Variants in ERG observed in about 807,000 individuals in gnomAD.
ERG encodes the protein transcriptional regulator ERG.
A neutral mutation model predicts 55.3 loss-of-function variants in ERG; 9 were observed. The ratio of observed to expected loss-of-function variants is 0.16; its 90% CI spans 0.10 to 0.28. The LOEUF (loss-of-function observed/expected upper bound fraction) is 0.28. Ranked by LOEUF, ERG falls within the 10% of genes least tolerant of loss-of-function variation. The pLI is 1.00. For synonymous variants in ERG, 223 were observed against 237.3 expected, an observed-to-expected ratio of 0.94 and a Z score of 0.55; for missense variants, 434 against 631.6, an observed-to-expected ratio of 0.69 and a Z score of 3.35.
intron 1 of ERG, chr21:38,575,841 A>C: frequency 1.1e-6 from 1 of 912,558 alleles, no homozygotes. Flanking sequence ...ACCAATGGCA[A>C]AAGAATCATA....
chr21:38,542,234 C>T (rs577995043), intron 2 of ERG, among the ~76,000 whole-genome samples: 1 of 152,104 alleles, frequency 6.6e-6, no homozygotes, highest in Non-Finnish European at 1.5e-5. Context: ...GTGATCCACC[C>T]GCCTCAGCCT....
chr21:38,640,124 AT>A (rs2060414664), intron 1 of ERG, among the ~76,000 whole-genome samples: 2 of 152,366 alleles, frequency 1.3e-5, no homozygotes, highest in Admixed American at 1.3e-4. Flanking sequence ...CAATAAAAAA[AT>A]CATTGAAAAT....
chr21:38,552,375 C>T (rs772890710), intron 2 of ERG, among the ~76,000 whole-genome samples: 6 of 151,976 alleles, frequency 3.9e-5, no homozygotes, highest in Non-Finnish European at 8.8e-5. Context: ...GGCAGAGACA[C>T]AATAAGAAAA....
rs888010622 is a variant in ERG at position 38,483,035 on chromosome 21, C to T, written c.18+15328G>A. 3.3e-5 allele frequency among the ~76,000 whole-genome samples: 5 copies of T among 152,248 alleles called. No individual in the cohort carries two copies. In the East Asian group the frequency reaches 7.7e-4, roughly 23 times the overall value. ...CCACATTATGGATGAATCTGGAGGACGTTATGCTAAGTGAAATAAGCCACA... is the reference window on the plus strand; with the variant it reads ...CCACATTATGGATGAATCTGGAGGATGTTATGCTAAGTGAAATAAGCCACA... On this transcript the variant is annotated intron_variant, in intron 1 of 9. Coordinates refer to ENST00000288319, the MANE Select transcript of ERG (RefSeq NM_182918.4).
intron 1 of ERG, among the ~76,000 whole-genome samples, chr21:38,487,868 T>G (rs1272675215): frequency 6.6e-6 from 1 of 152,220 alleles, no homozygotes; most frequent in African/African-American, 2.4e-5. Context: ...GGAAAATATC[T>G]CTTTGGGCAA....
intron 5 of ERG, among the ~76,000 whole-genome samples, chr21:38,401,107 T>C (rs1304892756): frequency 1.3e-5 from 2 of 152,236 alleles, no homozygotes; most frequent in Non-Finnish European, 2.9e-5. Flanking sequence ...CACATCTCTA[T>C]TCAAATGCAT....
At chr21:38,431,690 T>G (rs892789944) in intron 2 of ERG, among the ~76,000 whole-genome samples, 2 of 152,224 alleles carry the variant, frequency 1.3e-5, no homozygotes, top group Non-Finnish European at 2.9e-5. Context: ...ATTAATAAGC[T>G]ACATACAAAC....
At chr21:38,400,757 C>A in intron 5 of ERG, 112 bp from the exon 6 acceptor site, 1 of 740,978 alleles carries the variant, frequency 1.3e-6, no homozygotes, top group Non-Finnish European at 2.3e-6. Flanking sequence ...GAGACCTCCT[C>A]AAACCTGCCT....
intron 2 of ERG, among the ~76,000 whole-genome samples, chr21:38,546,631 T>C (rs548151748): frequency 6.6e-6 from 1 of 152,232 alleles, no homozygotes; most frequent in African/African-American, 2.4e-5. Context: ...CAAATCACGA[T>C]GTCTATATCA....
upstream of ERG, among the ~76,000 whole-genome samples, chr21:38,587,247 T>C (rs2060071300): frequency 6.6e-6 from 1 of 152,168 alleles, no homozygotes; most frequent in Non-Finnish European, 1.5e-5. Flanking sequence ...TCTTTTCCCA[T>C]CCAGTCATAC....
chr21:38,615,351 A>C (rs961536053), intron 1 of ERG, among the ~76,000 whole-genome samples: 1 of 152,158 alleles, frequency 6.6e-6, no homozygotes, highest in East Asian at 1.9e-4. Context: ...ATCTGAACAA[A>C]ATGTCATGTG....
At chr21:38,626,479 G>A (rs1438545594) in intron 1 of ERG, among the ~76,000 whole-genome samples, 2 of 152,050 alleles carry the variant, frequency 1.3e-5, no homozygotes, top group African/African-American at 2.4e-5. Context: ...ATAAGGTGCC[G>A]ACCACTTCAG....
chr21:38,371,414 C>T, the ERG span, among the ~76,000 whole-genome samples: 11 of 152,062 alleles, frequency 7.2e-5, no homozygotes, highest in Non-Finnish European at 1.2e-4. Flanking sequence ...TGGTGAGCCT[C>T]CAAACCTATG....
chr21:38,388,348 A>C (rs1987802948), intron 9 of ERG, among the ~76,000 whole-genome samples: 1 of 152,242 alleles, frequency 6.6e-6, no homozygotes, highest in Non-Finnish European at 1.5e-5. Context: ...AGTACACATC[A>C]AGTGAATATT....
At chr21:38,372,855 TCA>T in the ERG span, among the ~76,000 whole-genome samples, 1 of 152,094 alleles carries the variant, frequency 6.6e-6, no homozygotes, top group Non-Finnish European at 1.5e-5. Flanking sequence ...TATCAATAGC[TCA>T]CACAACTATA....
chr21:38,467,380 T>C (rs1389646474), intron 1 of ERG, among the ~76,000 whole-genome samples: 1 of 152,162 alleles, frequency 6.6e-6, no homozygotes, highest in Admixed American at 6.5e-5. Flanking sequence ...ATAGTACATC[T>C]TCCCAAAAAA....
intron 2 of ERG, among the ~76,000 whole-genome samples, chr21:38,542,097 G>A (rs1021519328): frequency 2.0e-5 from 3 of 151,976 alleles, no homozygotes; most frequent in Admixed American, 1.3e-4. Flanking sequence ...CACAACCTCT[G>A]CCTCCTGGGT....
At chr21:38,561,907 C>T (rs553495472) in intron 2 of ERG, among the ~76,000 whole-genome samples, 3 of 152,306 alleles carry the variant, frequency 2.0e-5, no homozygotes, top group African/African-American at 7.2e-5. Context: ...TTTTAAAGTA[C>T]ATTCTCAGAA....
intron 1 of ERG, among the ~76,000 whole-genome samples, chr21:38,489,135 T>C (rs1343834991): frequency 4.6e-5 from 7 of 152,186 alleles, no homozygotes; most frequent in Non-Finnish European, 8.8e-5. Context: ...CTACAAACCC[T>C]TTATCCTCAA....
Sources: allele counts gnomAD v4.1 joint callset (sites outside exome capture counted in the v4.1 genomes callset), GRCh38; gene constraint gnomAD v4.1.1; transcripts MANE v1.5; gene names NCBI Gene and HGNC (gene_info 2026-07-23, HGNC 2026-07-21).